Variants in LRRC69 observed in about 807,000 individuals in gnomAD.
The protein encoded by LRRC69 is leucine rich repeat containing 69.
LRRC69 carries 42 observed loss-of-function variants against 37.8 expected under a neutral mutation model. The observed-to-expected ratio is 1.11, with a 90% CI of 0.87 to 1.44. The LOEUF is 1.44. LRRC69 is among the 40% of genes most tolerant of loss of function. LRRC69 has a pLI of 0.00. For missense variants in LRRC69, 357 were observed against 401.9 expected, an observed-to-expected ratio of 0.89 and a Z score of 0.96; for synonymous variants, 141 against 143.1, an observed-to-expected ratio of 0.99 and a Z score of 0.11.
chr8:91,171,218 T>C (rs1372801036), intron 5 of LRRC69, among the ~76,000 whole-genome samples: 1 of 152,042 alleles, frequency 6.6e-6, no homozygotes, highest in Non-Finnish European at 1.5e-5. Flanking sequence ...TTTTACATTA[T>C]TGTTTCCCTT....
chr8:91,104,342 A>G (rs1278528826), intron 1 of LRRC69, among the ~76,000 whole-genome samples: 2 of 151,938 alleles, frequency 1.3e-5, no homozygotes, highest in African/African-American at 2.4e-5. Flanking sequence ...TTTATATCCT[A>G]TTCAGTTATA....
chr8:91,104,108 A>G (rs1416475873), intron 1 of LRRC69, among the ~76,000 whole-genome samples: 2 of 151,960 alleles, frequency 1.3e-5, no homozygotes, highest in African/African-American at 2.4e-5. Flanking sequence ...ATATTAATGT[A>G]TCTATTGTGT....
intron 1 of LRRC69, among the ~76,000 whole-genome samples, chr8:91,115,888 A>G (rs541728723): frequency 2.0e-4 from 31 of 151,988 alleles, no homozygotes; most frequent in Middle Eastern, 3.4e-3. Context: ...GACCCTGCAC[A>G]TGGAGATCCT....
At chr8:91,168,097 A>C (rs1809060888) in intron 5 of LRRC69, among the ~76,000 whole-genome samples, 1 of 151,866 alleles carries the variant, frequency 6.6e-6, no homozygotes, top group Admixed American at 6.6e-5. Flanking sequence ...AAGACTGATA[A>C]TACACAGGTA....
At chr8:91,165,223 A>G (rs1809008173) in intron 5 of LRRC69, among the ~76,000 whole-genome samples, 1 of 151,722 alleles carries the variant, frequency 6.6e-6, no homozygotes, top group Non-Finnish European at 1.5e-5. Flanking sequence ...AGTCCAGGAT[A>G]AAATGGGAAT....
At chr8:91,115,402 T>C (rs1313747750) in intron 1 of LRRC69, among the ~76,000 whole-genome samples, 1 of 151,982 alleles carries the variant, frequency 6.6e-6, no homozygotes, top group Non-Finnish European at 1.5e-5. Flanking sequence ...CATACATGCA[T>C]AGTCAGTAGT....
At chr8:91,142,759 A>G (rs1270218442) in intron 5 of LRRC69, among the ~76,000 whole-genome samples, 1 of 152,018 alleles carries the variant, frequency 6.6e-6, no homozygotes, top group Non-Finnish European at 1.5e-5. Context: ...CTTGCACTCA[A>G]GACTTTTGGC....
chr8:91,121,730 G>A (rs7007552), intron 1 of LRRC69, among the ~76,000 whole-genome samples: 16,426 of 152,050 alleles, frequency 0.11, 1,813 homozygotes, highest in African/African-American at 0.28. Flanking sequence ...TGCCTTGAGG[G>A]CAAAGATGTT....
At chr8:91,116,382 A>C (rs996464582) in intron 1 of LRRC69, among the ~76,000 whole-genome samples, 2 of 152,056 alleles carry the variant, frequency 1.3e-5, no homozygotes, top group Non-Finnish European at 2.9e-5. Flanking sequence ...TATTCAGTAC[A>C]TTGCATAGCA....
chr8:91,167,737 T>C (rs6471268), intron 5 of LRRC69, among the ~76,000 whole-genome samples: 75,268 of 151,650 alleles, frequency 0.5, 19,551 homozygotes, highest in South Asian at 0.65. Flanking sequence ...ATGTTGGACA[T>C]TGATGCTCAG....
At chr8:91,138,509 T>C (rs1808462385) in intron 5 of LRRC69, among the ~76,000 whole-genome samples, 1 of 151,842 alleles carries the variant, frequency 6.6e-6, no homozygotes, top group African/African-American at 2.4e-5. Context: ...TTTAAATAAA[T>C]TTGGTGTGCA....
intron 5 of LRRC69, chr8:91,157,371 A>C: frequency 6.2e-7 from 1 of 1,608,114 alleles, no homozygotes; most frequent in South Asian, 1.1e-5. Flanking sequence ...CCACTAATGC[A>C]GATCCTGTAT....
At chr8:91,203,103 T>C (rs764372569) in intron 7 of LRRC69, among the ~76,000 whole-genome samples, 1 of 152,048 alleles carries the variant, frequency 6.6e-6, no homozygotes, top group Non-Finnish European at 1.5e-5. Flanking sequence ...CATGGTTAAG[T>C]ATGAGACTCC....
intron 5 of LRRC69, chr8:91,157,848 A>C (rs1323724945): frequency 6.2e-7 from 1 of 1,605,506 alleles, no homozygotes; most frequent in Non-Finnish European, 8.5e-7. Context: ...CATCATTTAC[A>C]AGAGCAGAAT....
At chr8:91,121,454 C>G (rs1165209234) in intron 1 of LRRC69, among the ~76,000 whole-genome samples, 1 of 152,064 alleles carries the variant, frequency 6.6e-6, no homozygotes, top group Non-Finnish European at 1.5e-5. Context: ...CTGCAGTGCT[C>G]AGCCACATTA....
At chr8:91,120,528 C>G (rs976690801) in intron 1 of LRRC69, among the ~76,000 whole-genome samples, 1 of 152,122 alleles carries the variant, frequency 6.6e-6, no homozygotes, top group Non-Finnish European at 1.5e-5. Context: ...AGCACAGAGG[C>G]AAAGGGGTTG....
At chr8:91,149,692 T>C (rs200878255) in intron 5 of LRRC69, among the ~76,000 whole-genome samples, 16 of 151,944 alleles carry the variant, frequency 1.1e-4, no homozygotes, top group African/African-American at 3.6e-4. Context: ...GCCATTTTCA[T>C]GATATTGATT....
intron 7 of LRRC69, among the ~76,000 whole-genome samples, chr8:91,215,623 T>C (rs1810030469): frequency 6.6e-6 from 1 of 152,186 alleles, no homozygotes; most frequent in African/African-American, 2.4e-5. Flanking sequence ...TTTAAAGCTT[T>C]TTGCTAAAAT....
chr8:91,136,589 A>G (rs1466081028), intron 5 of LRRC69, among the ~76,000 whole-genome samples: 1 of 152,008 alleles, frequency 6.6e-6, no homozygotes, highest in Non-Finnish European at 1.5e-5. Context: ...TTGCACAACC[A>G]TCAGCATTAT....
Sources: allele counts gnomAD v4.1 joint callset (sites outside exome capture counted in the v4.1 genomes callset), GRCh38; gene constraint gnomAD v4.1.1; transcripts MANE v1.5; gene names NCBI Gene and HGNC (gene_info 2026-07-23, HGNC 2026-07-21).